Variants in ZNF827 observed in about 807,000 individuals in gnomAD.
The protein encoded by ZNF827 is zinc finger protein 827.
ZNF827 carries 13 observed loss-of-function variants against 102.4 expected under a neutral mutation model. That is an observed-to-expected ratio of 0.13 (90% CI 0.08 to 0.20). ZNF827 has a LOEUF of 0.20. ZNF827 is among the 10% of genes least tolerant of loss of function. ZNF827 has a pLI of 1.00. For missense variants in ZNF827, 1,103 were observed against 1,344.4 expected (o/e 0.82, Z 2.81); for synonymous variants, 523 against 536.2 (o/e 0.98, Z 0.34).
At chr4:145,863,962 G>A (rs981436154) in intron 5 of ZNF827, among the ~76,000 whole-genome samples, 8 of 152,090 alleles carry the variant, frequency 5.3e-5, no homozygotes, top group Non-Finnish European at 1.2e-4. Context: ...GGGAGGCTGA[G>A]GTGGGCAGAT....
intron 8 of ZNF827, among the ~76,000 whole-genome samples, chr4:145,818,638 A>C (rs1050752989): frequency 6.6e-6 from 1 of 152,258 alleles, no homozygotes; most frequent in Non-Finnish European, 1.5e-5. Context: ...ATAGTTTGCT[A>C]TAATATAATC....
At chr4:145,772,892 C>A (rs1274830807) in intron 11 of ZNF827, among the ~76,000 whole-genome samples, 1 of 152,152 alleles carries the variant, frequency 6.6e-6, no homozygotes, top group Non-Finnish European at 1.5e-5. Flanking sequence ...GTGGTAATTA[C>A]GAGGTATGTG....
At chr4:145,796,204 C>T (rs546002647) in intron 8 of ZNF827, among the ~76,000 whole-genome samples, 119 of 152,276 alleles carry the variant, frequency 7.8e-4, no homozygotes, top group African/African-American at 2.8e-3. Flanking sequence ...TTCCCCATTT[C>T]GATTATCAGC....
intron 1 of ZNF827, among the ~76,000 whole-genome samples, chr4:145,904,243 C>T (rs191044816): frequency 6.6e-6 from 1 of 152,358 alleles, no homozygotes; most frequent in East Asian, 1.9e-4. Context: ...TCAAAGGTTT[C>T]TTCCTTACAA....
chr4:145,789,031 A>C (rs1446698429), intron 8 of ZNF827, among the ~76,000 whole-genome samples: 1 of 152,240 alleles, frequency 6.6e-6, no homozygotes, highest in Non-Finnish European at 1.5e-5. Context: ...AGTTCTAGAC[A>C]ATGAGATATA....
At chr4:145,878,597 CAGGACAGGAAAGGAAAGGAA>C (rs1374377998) in intron 4 of ZNF827, among the ~76,000 whole-genome samples, 33 of 111,232 alleles carry the variant, frequency 3.0e-4, no homozygotes, top group East Asian at 8.2e-4. Context: ...CAGGACAGGA[CAGGACAGGAAAGGAAAGGAA>C]AGGAAAGGAA....
At chr4:145,844,314 A>G (rs1262531842) in intron 7 of ZNF827, among the ~76,000 whole-genome samples, 1 of 151,926 alleles carries the variant, frequency 6.6e-6, no homozygotes, top group Admixed American at 6.6e-5. Context: ...GTATACTTAT[A>G]TACAGACACA....
intron 2 of ZNF827, among the ~76,000 whole-genome samples, chr4:145,901,756 C>A (rs1751434243): frequency 6.6e-6 from 1 of 152,192 alleles, no homozygotes; most frequent in Non-Finnish European, 1.5e-5. Flanking sequence ...GGAGTGTGGG[C>A]TCTCCCTTGT....
At position 145,759,100 on chromosome 4, in the gene ZNF827, T is replaced by G. The variant is rs937508385; in HGVS notation, c.*2516A>C. Reference sequence around the variant, plus strand: ...CACATGATGGAAAACAGCAACACAGTAAGAAAATGTTCCTCCTGTACACCA... The same window carrying G: ...CACATGATGGAAAACAGCAACACAGGAAGAAAATGTTCCTCCTGTACACCA... On this transcript the variant is annotated 3_prime_UTR_variant, in exon 15 of 15. Coordinates refer to ENST00000508784, the MANE Select transcript of ZNF827 (RefSeq NM_001306215.2). 10 of 152,190 alleles carry G rather than the reference T, an allele frequency of 6.6e-5. No individual in the cohort carries two copies. Among genetic ancestry groups the G allele is most frequent in the African/African-American group, 2.4e-4 (10 of 41,446 alleles). The allele number at this position is 152,190 out of a possible 1,614,324, so 9.4% of individuals were successfully genotyped here. A position where few individuals can be genotyped will look rare whatever the true frequency, so the allele number is the denominator to read the frequency against.
chr4:145,844,688 A>ATAAAT (rs1336773050), intron 7 of ZNF827, among the ~76,000 whole-genome samples: 155 of 88,436 alleles, frequency 1.8e-3, no homozygotes, highest in African/African-American at 6.1e-3. Context: ...AAATAAATAA[A>ATAAAT]TAAATAAATA....
intron 1 of ZNF827, among the ~76,000 whole-genome samples, chr4:145,911,074 A>T (rs939732687): frequency 1.3e-5 from 2 of 152,254 alleles, no homozygotes; most frequent in African/African-American, 4.8e-5. Flanking sequence ...GATGGAAATA[A>T]GAACTATTTT....
intron 7 of ZNF827, among the ~76,000 whole-genome samples, chr4:145,836,255 C>T (rs1744823458): frequency 9.6e-6 from 1 of 103,904 alleles, no homozygotes; most frequent in Non-Finnish European, 2.0e-5. Context: ...CAAGCACCTT[C>T]TACAAAACAA....
chr4:145,925,754 A>C (rs1373148973), intron 1 of ZNF827, among the ~76,000 whole-genome samples: 1 of 152,206 alleles, frequency 6.6e-6, no homozygotes, highest in Non-Finnish European at 1.5e-5. Context: ...AAACCAAGCA[A>C]AGCAGTACTT....
rs532724926 is a variant in ZNF827 at position 145,877,360 on chromosome 4, A to C, written c.1748-6882T>G. 4.6e-5 allele frequency among the ~76,000 whole-genome samples: 7 copies of C among 152,302 alleles called. No individual in the cohort carries two copies. In the South Asian group the frequency reaches 1.5e-3, roughly 32 times the overall value. On this transcript the variant is annotated intron_variant, in intron 4 of 14. Coordinates refer to ENST00000508784, the MANE Select transcript of ZNF827 (RefSeq NM_001306215.2). ...GCACTATGATGTGCTTTGGGTAAGAAACTGCCTTCTGAAATCGTAAGAAAA... is the reference window on the plus strand; with the variant it reads ...GCACTATGATGTGCTTTGGGTAAGACACTGCCTTCTGAAATCGTAAGAAAA...
At chr4:145,833,957 TCTA>T (rs1744544875) in intron 7 of ZNF827, among the ~76,000 whole-genome samples, 1 of 151,750 alleles carries the variant, frequency 6.6e-6, no homozygotes, top group Middle Eastern at 3.4e-3. Context: ...CCTCCATTTC[TCTA>T]CTCTCTCTTT....
chr4:145,841,266 C>G (rs1254588635), intron 7 of ZNF827, among the ~76,000 whole-genome samples: 1 of 152,196 alleles, frequency 6.6e-6, no homozygotes, highest in African/African-American at 2.4e-5. Context: ...CTCTAGGGTT[C>G]CATTTTCCTA....
chr4:145,858,981 A>C (rs1747445733), intron 5 of ZNF827, among the ~76,000 whole-genome samples: 1 of 152,220 alleles, frequency 6.6e-6, no homozygotes, highest in South Asian at 2.1e-4. Context: ...AGTAGATACT[A>C]GTAATATTAA....
At chr4:145,824,988 A>C (rs995151230) in intron 7 of ZNF827, among the ~76,000 whole-genome samples, 1 of 152,246 alleles carries the variant, frequency 6.6e-6, no homozygotes, top group Non-Finnish European at 1.5e-5. Flanking sequence ...TATCTTAAAC[A>C]CAAAACAATT....
chr4:145,925,447 C>G (rs752545895), intron 1 of ZNF827, among the ~76,000 whole-genome samples: 2 of 152,202 alleles, frequency 1.3e-5, no homozygotes, highest in Non-Finnish European at 2.9e-5. Flanking sequence ...AGTATATGGT[C>G]TTGCACTTGT....
Sources: allele counts gnomAD v4.1 joint callset (sites outside exome capture counted in the v4.1 genomes callset), GRCh38; gene constraint gnomAD v4.1.1; transcripts MANE v1.5; gene names NCBI Gene and HGNC (gene_info 2026-07-23, HGNC 2026-07-21).